Variants in FERMT1 observed in about 807,000 individuals in gnomAD.
The protein encoded by FERMT1 is FERM domain containing kindlin 1, also known as fermitin family homolog 1.
A neutral mutation model predicts 85.3 loss-of-function variants in FERMT1; 60 were observed. That is an observed-to-expected ratio of 0.70 (90% CI 0.57 to 0.87). FERMT1 has a LOEUF of 0.87. Among genes scored for constraint, FERMT1 ranks in the 40% least tolerant of loss-of-function variants. FERMT1 has a pLI of 0.00. For missense variants in FERMT1, 701 were observed against 818.9 expected (o/e 0.86, Z 1.76); for synonymous variants, 275 against 301.1 (o/e 0.91, Z 0.90).
At chr20:6,112,454 A>C in intron 4 of FERMT1, 23 bp downstream of exon 4, 2 of 1,612,192 alleles carry the variant, frequency 1.2e-6, no homozygotes, top group East Asian at 2.2e-5. Context: ...TTCAAACAAC[A>C]AAACACCTGT....
intron 5 of FERMT1, among the ~76,000 whole-genome samples, chr20:6,107,991 G>A (rs1207787318): frequency 3.3e-5 from 5 of 152,068 alleles, no homozygotes; most frequent in African/African-American, 1.2e-4. Context: ...TCAGCCTCAC[G>A]AGTAGCTGGG....
chr20:6,087,570 C>A, intron 11 of FERMT1: 1 of 558,162 alleles, frequency 1.8e-6, no homozygotes, highest in Non-Finnish European at 3.4e-6. Context: ...CTTGGCCTCC[C>A]AAAGTGCTGG....
Position 6,097,540 on chromosome 20 carries a change from A to C in FERMT1, c.941T>G (p.Ile314Ser), listed in dbSNP as rs753075905. 1 of 1,612,874 alleles carries C rather than the reference A, an allele frequency of 6.2e-7. No homozygotes were observed. Among genetic ancestry groups the C allele is most frequent in the Non-Finnish European group, 8.5e-7 (1 of 1,178,960 alleles). ...TTCCCATACCTGTAGAGCTGCAAAG[A>C]TCAACATTTCTTCCTCTGTGCAATC... is the stretch of plus-strand genomic sequence containing the variant. ...EIDCTEEEML[I>S]FAALQYHISK... The change falls in exon 7 of 15, where the codon ATC becomes AGC. Residue 314 changes from isoleucine to serine, a missense_variant. Ile to Ser is a moderately radical substitution (Grantham distance 142). Transcript: ENST00000217289.
chr20:6,080,468 C>A (rs1320515505), intron 13 of FERMT1, among the ~76,000 whole-genome samples: 1 of 152,148 alleles, frequency 6.6e-6, no homozygotes, highest in East Asian at 1.9e-4. Context: ...TGAGCAGAGG[C>A]TTCACAAAAT....
At chr20:6,112,119 A>G (rs1306546493) in intron 4 of FERMT1, among the ~76,000 whole-genome samples, 2 of 151,978 alleles carry the variant, frequency 1.3e-5, no homozygotes, top group Non-Finnish European at 2.9e-5. Flanking sequence ...CAAGTGATCC[A>G]CCCACCTCAG....
At chr20:6,103,046 T>A (rs1422009400) in intron 6 of FERMT1, among the ~76,000 whole-genome samples, 1 of 152,184 alleles carries the variant, frequency 6.6e-6, no homozygotes, top group Non-Finnish European at 1.5e-5. Flanking sequence ...AAAATGTGTG[T>A]TTTTTTAATT....
rs547214006 is a variant in FERMT1, at chr20:6,096,982, C to T, written c.1009G>A (p.Glu337Lys). Residue 337 changes from glutamate (E) to lysine (K), a missense_variant, in exon 8 of 15, where the codon GAG becomes AAG. By Grantham distance (56) the Glu-to-Lys change is moderately conservative (BLOSUM62 1). Coordinates refer to ENST00000217289, the MANE Select transcript of FERMT1 (RefSeq NM_017671.5). ...GCTTCTATTTCATCAACCTCGGACT[C>T]GCCTGCAAAATCCTGTGTTTCAGCA... ...LSAETQDFAG[E>K]SEVDEIEAAL... 31 of 1,613,920 alleles carry T rather than the reference C, an allele frequency of 1.9e-5. No homozygotes were observed. Among genetic ancestry groups the T allele is most frequent in the African/African-American group, 8.0e-5 (6 of 75,000 alleles).
At chr20:6,119,921 T>C (rs1231028877) in intron 1 of FERMT1, among the ~76,000 whole-genome samples, 1 of 152,236 alleles carries the variant, frequency 6.6e-6, no homozygotes, top group East Asian at 1.9e-4. Flanking sequence ...ATTCTGGCAA[T>C]AGGCAATCTT....
rs186450227 is a variant in FERMT1 at position 6,117,283 on chromosome 20, T to A, written c.152-1239A>T. Reference sequence around the variant, plus strand: ...CTCTTTTAAATTAGAAACTCTTTTTTTTTGAGACAGAGTCTCACTCTGTTG... The same window carrying A: ...CTCTTTTAAATTAGAAACTCTTTTTATTTGAGACAGAGTCTCACTCTGTTG... On this transcript the variant is annotated intron_variant, in intron 2 of 14. Coordinates refer to ENST00000217289, the MANE Select transcript of FERMT1 (RefSeq NM_017671.5). Among the ~76,000 whole-genome samples, 277 of 152,314 alleles carry A rather than the reference T, an allele frequency of 1.8e-3. 3 individuals carry two copies. The highest frequency in any genetic ancestry group is 6.8e-3 in the Middle Eastern group (2 of 294).
At chr20:6,095,477 A>G (rs1982475473) in intron 8 of FERMT1, among the ~76,000 whole-genome samples, 1 of 152,256 alleles carries the variant, frequency 6.6e-6, no homozygotes, top group Admixed American at 6.5e-5. Context: ...TAATTTTTAT[A>G]TAAGAGTGGG....
chr20:6,077,013 G>A lies in FERMT1; in HGVS notation c.*160C>T. ...TAGCACAGGGCAAAGTAAGGAAAGG[G>A]ATGTGCCAGCAGTGGGTTTGAATGA... On this transcript the variant is annotated 3_prime_UTR_variant, in exon 15 of 15. Coordinates refer to ENST00000217289, the MANE Select transcript of FERMT1 (RefSeq NM_017671.5). The A allele has an allele frequency of 1.4e-6, 1 of 739,756 alleles. No homozygotes were observed. 45.8% of individuals were successfully genotyped at this position (739,756 alleles called of 1,614,324 possible). A position where few individuals can be genotyped will look rare whatever the true frequency, so the allele number is the denominator to read the frequency against.
chr20:6,082,599 C>G (rs926738356), intron 13 of FERMT1, among the ~76,000 whole-genome samples: 1 of 152,102 alleles, frequency 6.6e-6, no homozygotes, highest in African/African-American at 2.4e-5. Context: ...TTGGGACAAA[C>G]GTTGGGGACT....
chr20:6,100,911 A>G (rs1982643967), intron 6 of FERMT1, among the ~76,000 whole-genome samples: 1 of 152,236 alleles, frequency 6.6e-6, no homozygotes, highest in Non-Finnish European at 1.5e-5. Context: ...GATGTCCATC[A>G]TATACACAGT....
At chr20:6,095,631 A>C (rs577046653) in intron 8 of FERMT1, among the ~76,000 whole-genome samples, 1 of 152,356 alleles carries the variant, frequency 6.6e-6, no homozygotes, top group South Asian at 2.1e-4. Flanking sequence ...GAGGGAGGAC[A>C]TAACTTTTTA....
chr20:6,101,715 C>T (rs567021820), intron 6 of FERMT1, among the ~76,000 whole-genome samples: 8 of 152,134 alleles, frequency 5.3e-5, no homozygotes, highest in Non-Finnish European at 1.2e-4. Flanking sequence ...TGCAATGGCG[C>T]GATCTCAGCT....
chr20:6,109,978 C>T (rs1023209240), intron 5 of FERMT1, among the ~76,000 whole-genome samples: 3 of 151,990 alleles, frequency 2.0e-5, no homozygotes, highest in African/African-American at 7.3e-5. Flanking sequence ...TGGATTTATC[C>T]CACTGGCCCA....
intron 6 of FERMT1, among the ~76,000 whole-genome samples, chr20:6,100,251 T>C (rs1437991855): frequency 1.3e-5 from 2 of 152,176 alleles, no homozygotes; most frequent in Admixed American, 6.5e-5. Flanking sequence ...GAAATATTAG[T>C]TAGCATTAAA....
chr20:6,103,557 C>T (rs1350317651), intron 6 of FERMT1, among the ~76,000 whole-genome samples: 3 of 152,156 alleles, frequency 2.0e-5, no homozygotes, highest in Non-Finnish European at 2.9e-5. Context: ...CATTTCCTGA[C>T]ACTCTTGCCA....
intron 14 of FERMT1, 94 bp downstream of exon 14, chr20:6,079,342 T>C: frequency 4.5e-6 from 6 of 1,327,394 alleles, no homozygotes; most frequent in Non-Finnish European, 6.5e-6. Flanking sequence ...TAGGTCTAAA[T>C]AGAAGAACAC....
Sources: allele counts gnomAD v4.1 joint callset (sites outside exome capture counted in the v4.1 genomes callset), GRCh38; gene constraint gnomAD v4.1.1; transcripts MANE v1.5; gene names NCBI Gene and HGNC (gene_info 2026-07-23, HGNC 2026-07-21).